The following DNAJC13 variants were observed in gnomAD, a reference collection of about 807,000 sequenced individuals.
The protein encoded by DNAJC13 is dnaJ homolog subfamily C member 13.
DNAJC13 carries 75 observed loss-of-function variants against 290.5 expected under a neutral mutation model. The ratio of observed to expected loss-of-function variants is 0.26; its 90% CI spans 0.21 to 0.31. DNAJC13 has a LOEUF of 0.31. Among genes scored for constraint, DNAJC13 ranks in the 10% least tolerant of loss-of-function variants. The probability of loss-of-function intolerance (pLI) is 1.00; values close to 1 mark genes in which losing one functional copy is unlikely to be tolerated. For synonymous variants in DNAJC13, 862 were observed against 892.0 expected (o/e 0.97, Z 0.60); for missense variants, 2,260 against 2,674.5 (o/e 0.85, Z 3.42).
intron 29 of DNAJC13, 25 bp downstream of exon 29, chr3:132,484,697 G>A (rs1934795450): frequency 6.4e-7 from 1 of 1,557,140 alleles, no homozygotes; most frequent in Non-Finnish European, 8.9e-7. Flanking sequence ...CAAACTAGGA[G>A]CAATTTTAAG....
chr3:132,460,925 T>G, intron 14 of DNAJC13, 125 bp from the exon 15 acceptor site: 20 of 906,490 alleles, frequency 2.2e-5, no homozygotes, highest in Admixed American at 2.9e-5. Flanking sequence ...AACCTCATGT[T>G]GAGAAATTAA....
At chr3:132,485,531 T>A (rs999998466) in intron 29 of DNAJC13, among the ~76,000 whole-genome samples, 1 of 152,186 alleles carries the variant, frequency 6.6e-6, no homozygotes, top group Non-Finnish European at 1.5e-5. Flanking sequence ...CTAAGAGAGT[T>A]TTATTTATTA....
chr3:132,537,367 TAA>T (rs1396868132), intron 55 of DNAJC13: 2 of 394,544 alleles, frequency 5.1e-6, no homozygotes, highest in Non-Finnish European at 1.0e-5. Context: ...CAATTTCAGC[TAA>T]AACTATTGCT....
chr3:132,489,131 G>T, intron 31 of DNAJC13, 110 bp downstream of exon 31: 1 of 796,250 alleles, frequency 1.3e-6, no homozygotes. Flanking sequence ...CTTGAGGGTA[G>T]GTATTGTTTT....
At chr3:132,470,835 C>T (rs1251043860) in intron 20 of DNAJC13, among the ~76,000 whole-genome samples, 4 of 129,894 alleles carry the variant, frequency 3.1e-5, no homozygotes, top group African/African-American at 6.2e-5. Flanking sequence ...GCTGGCCAGG[C>T]GGGGGGCTGA....
intron 29 of DNAJC13, among the ~76,000 whole-genome samples, chr3:132,484,905 C>T (rs1430292098): frequency 6.6e-6 from 1 of 151,668 alleles, no homozygotes; most frequent in East Asian, 2.0e-4. Context: ...CCCATCTCTA[C>T]AAAAAATAAA....
chr3:132,425,652 G>A (rs578100009), intron 1 of DNAJC13, among the ~76,000 whole-genome samples: 4 of 152,262 alleles, frequency 2.6e-5, no homozygotes, highest in Non-Finnish European at 5.9e-5. Context: ...TTCTCTGCAA[G>A]TTGTCATATT....
intron 44 of DNAJC13, among the ~76,000 whole-genome samples, chr3:132,511,468 A>T (rs1250987633): frequency 6.6e-6 from 1 of 152,198 alleles, no homozygotes; most frequent in Non-Finnish European, 1.5e-5. Context: ...TTATGAGAAC[A>T]TGTGTCTAAA....
rs570542849 is a variant in DNAJC13, at chr3:132,443,967, C to T, written c.69-2508C>T. Reference sequence around the variant, plus strand: ...TAAATAAAATGTAAAATTCAGTTGCCTTAGCCACATTTCAAGTGCTCAATA... The same window carrying T: ...TAAATAAAATGTAAAATTCAGTTGCTTTAGCCACATTTCAAGTGCTCAATA... On this transcript the variant is annotated intron_variant, in intron 2 of 55. Coordinates refer to ENST00000260818, the MANE Select transcript of DNAJC13 (RefSeq NM_015268.4). Among the ~76,000 whole-genome samples the T allele has an allele frequency of 5.3e-5, 8 of 152,252 alleles. No homozygotes were observed. The South Asian group carries it at 1.7e-3, about 32-fold the overall frequency.
intron 1 of DNAJC13, among the ~76,000 whole-genome samples, chr3:132,434,192 A>G (rs1341688571): frequency 6.6e-6 from 1 of 151,092 alleles, no homozygotes; most frequent in Non-Finnish European, 1.5e-5. Context: ...CCTGGGCGAC[A>G]GTGCGAGACT....
intron 2 of DNAJC13, among the ~76,000 whole-genome samples, chr3:132,444,422 A>G (rs929154695): frequency 6.6e-5 from 10 of 152,218 alleles, no homozygotes; most frequent in African/African-American, 2.4e-4. Context: ...TATATGAGAA[A>G]GATATTAGAA....
chr3:132,515,739 A>G (rs965971865), intron 46 of DNAJC13, among the ~76,000 whole-genome samples: 10 of 152,188 alleles, frequency 6.6e-5, no homozygotes, highest in African/African-American at 1.9e-4. Flanking sequence ...ACTCTCTATC[A>G]TTAAGACTTC....
At chr3:132,465,938 C>T (rs1324175979) in intron 17 of DNAJC13, 57 bp from the exon 18 acceptor site, 13 of 1,161,652 alleles carry the variant, frequency 1.1e-5, no homozygotes, top group Admixed American at 6.1e-5. Context: ...TTAAAAATTC[C>T]TTTCTGTTCT....
Position 132,528,304 on chromosome 3 carries a change from T to G in DNAJC13, c.6497T>G (p.Met2166Arg). ...KAQIVKALKAMTRSLQYGEQV... is the reference protein window; with the variant it reads ...KAQIVKALKARTRSLQYGEQV... ...CAGATTGTTAAAGCTCTCAAGGCAA[T>G]GACTCGAAGTTTGCAGTATGGAGAA... Residue 2166 changes from methionine to arginine, a missense_variant, in exon 54 of 56, where the codon ATG becomes AGG. Around this residue, in one of 3 missense-constraint regions of DNAJC13, gnomAD observed 1,494 missense variants for 1,693.7 expected, o/e 0.88. Coordinates refer to ENST00000260818, the MANE Select transcript of DNAJC13 (RefSeq NM_015268.4). The G allele has an allele frequency of 6.2e-7, 1 of 1,614,162 alleles. No homozygotes were observed.
intron 27 of DNAJC13, among the ~76,000 whole-genome samples, chr3:132,482,914 C>G (rs548275740): frequency 4.0e-5 from 6 of 151,876 alleles, no homozygotes; most frequent in African/African-American, 1.4e-4. Context: ...TATAATGTTT[C>G]TATATGGTAT....
chr3:132,489,789 C>T (rs923714418), intron 31 of DNAJC13, among the ~76,000 whole-genome samples: 2 of 152,070 alleles, frequency 1.3e-5, no homozygotes, highest in East Asian at 3.9e-4. Context: ...ATTAAAGATG[C>T]CCATGGCAGC....
chr3:132,427,468 G>A (rs1312669679), intron 1 of DNAJC13, among the ~76,000 whole-genome samples: 1 of 151,982 alleles, frequency 6.6e-6, no homozygotes. Context: ...CGTTTTATGG[G>A]AAACATAAAT....
At chr3:132,460,922 T>G (rs1430761128) in intron 14 of DNAJC13, 128 bp from the exon 15 acceptor site, 1 of 865,354 alleles carries the variant, frequency 1.2e-6, no homozygotes, top group Non-Finnish European at 1.7e-6. Flanking sequence ...TTGAACCTCA[T>G]GTTGAGAAAT....
At chr3:132,511,637 C>T (rs1935781567) in intron 44 of DNAJC13, among the ~76,000 whole-genome samples, 1 of 152,004 alleles carries the variant, frequency 6.6e-6, no homozygotes, top group Non-Finnish European at 1.5e-5. Flanking sequence ...TGCATATGGG[C>T]ACTGATGTTT....
Sources: allele counts gnomAD v4.1 joint callset (sites outside exome capture counted in the v4.1 genomes callset), GRCh38; gene constraint gnomAD v4.1.1; regional missense constraint gnomAD v4.1.1; transcripts MANE v1.5; gene names NCBI Gene and HGNC (gene_info 2026-07-23, HGNC 2026-07-21).